The following TIAM1 variants were observed in gnomAD, a reference collection of about 807,000 sequenced individuals.
The protein encoded by TIAM1 is rho guanine nucleotide exchange factor TIAM1.
Under a neutral mutation model 163.5 loss-of-function variants are expected in TIAM1, and 65 were observed. The observed-to-expected ratio is 0.40, with a 90% CI of 0.33 to 0.49. TIAM1 has a LOEUF of 0.49. TIAM1 is among the 20% of genes least tolerant of loss of function. The pLI is 0.77. For missense variants in TIAM1, 1,789 were observed against 2,044.7 expected, an observed-to-expected ratio of 0.87 and a Z score of 2.41; for synonymous variants, 833 against 810.1, an observed-to-expected ratio of 1.03 and a Z score of -0.48.
chr21:31,228,703 T>C (rs1469309774), intron 6 of TIAM1, among the ~76,000 whole-genome samples: 3 of 152,226 alleles, frequency 2.0e-5, no homozygotes, highest in Non-Finnish European at 4.4e-5. Context: ...TACTGTAGGA[T>C]TCTATTTATA....
intron 2 of TIAM1, among the ~76,000 whole-genome samples, chr21:31,458,543 C>T (rs2045199931): frequency 6.6e-6 from 1 of 152,176 alleles, no homozygotes; most frequent in African/African-American, 2.4e-5. Context: ...TCTTGGGAAA[C>T]TGTACTTACC....
chr21:31,476,978 T>C (rs1386426575), intron 1 of TIAM1, among the ~76,000 whole-genome samples: 2 of 152,212 alleles, frequency 1.3e-5, no homozygotes, highest in Admixed American at 1.3e-4. Flanking sequence ...AAGTGTCAAC[T>C]AAGTAAACAC....
chr21:31,130,229 T>C lies in TIAM1; in HGVS notation c.4029A>G (p.Arg1343=). Residue 1343 remains arginine, a synonymous_variant, in exon 25 of 28, where the codon CGA becomes CGG. Coordinates refer to ENST00000541036, the MANE Select transcript of TIAM1 (RefSeq NM_001353694.2). ...AGAGTTTACCTGCACTCGCCAAAGCTCGAACCTGCAGCGCTTCCGTGGGGA... is the reference window on the plus strand; with the variant it reads ...AGAGTTTACCTGCACTCGCCAAAGCCCGAACCTGCAGCGCTTCCGTGGGGA... The part of the protein sequence containing the change: ...HMIPTEALQV[R]ALASADAEAN... The C allele has an allele frequency of 1.2e-6, 2 of 1,613,830 alleles. No homozygotes were observed. Among genetic ancestry groups the C allele is most frequent in the Non-Finnish European group, 1.7e-6 (2 of 1,179,910 alleles).
chr21:31,469,880 A>G (rs1215366367), intron 1 of TIAM1, among the ~76,000 whole-genome samples: 2 of 151,960 alleles, frequency 1.3e-5, no homozygotes, highest in African/African-American at 2.4e-5. Context: ...TTTGCCCTCA[A>G]TGGAGAGGGA....
chr21:31,387,511 CCTGT>C (rs1266574602), intron 2 of TIAM1, among the ~76,000 whole-genome samples: 1 of 151,868 alleles, frequency 6.6e-6, no homozygotes, highest in Non-Finnish European at 1.5e-5. Flanking sequence ...CCGAGCCTGG[CCTGT>C]CTTTTTTCAA....
In TIAM1 at chr21:31,546,626, A is replaced by G. The variant is rs187105037; in HGVS notation, c.-422+12301T>C. 4.7e-3 allele frequency among the ~76,000 whole-genome samples: 708 copies of G among 152,046 alleles called. 4 individuals carry two copies. Among genetic ancestry groups the G allele is most frequent in the Non-Finnish European group, 7.2e-3 (487 of 67,956 alleles). On this transcript the variant is annotated intron_variant, in intron 1 of 28. Transcript: ENST00000286827. ...GAGAAAAATGGAGAAGGGTGGGCCC[A>G]TGTAATCAAAGGCTATTAACCATTT... is the stretch of plus-strand genomic sequence containing the variant.
chr21:31,436,144 A>G (rs2044200644), intron 2 of TIAM1, among the ~76,000 whole-genome samples: 1 of 152,134 alleles, frequency 6.6e-6, no homozygotes. Context: ...TCTCATCCCT[A>G]CAGCAACACT....
intron 2 of TIAM1, among the ~76,000 whole-genome samples, chr21:31,420,763 A>C (rs1195815379): frequency 2.0e-5 from 3 of 152,146 alleles, no homozygotes; most frequent in South Asian, 4.1e-4. Flanking sequence ...TCCCCAAAAA[A>C]TTCACATCCA....
intron 2 of TIAM1, among the ~76,000 whole-genome samples, chr21:31,391,845 G>A (rs2076970434): frequency 6.6e-6 from 1 of 152,088 alleles, no homozygotes; most frequent in Non-Finnish European, 1.5e-5. Flanking sequence ...CATATAAAGA[G>A]AGTCCCTGAT....
chr21:31,360,937 T>C (rs900675828), intron 2 of TIAM1, among the ~76,000 whole-genome samples: 1 of 152,188 alleles, frequency 6.6e-6, no homozygotes, highest in African/African-American at 2.4e-5. Context: ...CAAGAGGAAC[T>C]CCCTTATCCT....
chr21:31,428,137 T>A (rs548308), intron 2 of TIAM1, among the ~76,000 whole-genome samples: 1 of 152,036 alleles, frequency 6.6e-6, no homozygotes, highest in Non-Finnish European at 1.5e-5. Flanking sequence ...GGCCTGTAAT[T>A]TCAGCTACTT....
At chr21:31,535,426 T>C (rs1287519370) in intron 1 of TIAM1, among the ~76,000 whole-genome samples, 2 of 149,314 alleles carry the variant, frequency 1.3e-5, no homozygotes, top group Non-Finnish European at 3.0e-5. Flanking sequence ...TCCAGAAAGT[T>C]CTTGTTCCAA....
Position 31,542,297 on chromosome 21 carries a change from T to G in TIAM1, c.-422+16630A>C, listed in dbSNP as rs1490990308. On this transcript the variant is annotated intron_variant, in intron 1 of 28. Coordinates refer to the TIAM1 transcript ENST00000286827. ...AAAAAATTAGCCGGGCGTGGTGGTGTGTGCCTGTATTCCCAGCTTCTGGGG... is the reference window on the plus strand; with the variant it reads ...AAAAAATTAGCCGGGCGTGGTGGTGGGTGCCTGTATTCCCAGCTTCTGGGG... 2.6e-5 allele frequency among the ~76,000 whole-genome samples: 4 copies of G among 152,052 alleles called. No individual in the cohort carries two copies. In the East Asian group the frequency reaches 5.8e-4, roughly 22 times the overall value.
chr21:31,139,865 TA>T (rs2082768117), intron 22 of TIAM1, among the ~76,000 whole-genome samples: 1 of 152,204 alleles, frequency 6.6e-6, no homozygotes, highest in African/African-American at 2.4e-5. Flanking sequence ...CGATTCTTTG[TA>T]AAGTGTAGGT....
intron 2 of TIAM1, among the ~76,000 whole-genome samples, chr21:31,299,695 G>A (rs1468609017): frequency 6.6e-6 from 1 of 152,148 alleles, no homozygotes; most frequent in Non-Finnish European, 1.5e-5. Context: ...ATTCATGCTT[G>A]GGGAATGGGC....
Position 31,152,610 on chromosome 21 carries a change from G to A in TIAM1, c.3366+26C>T, listed in dbSNP as rs777799591. 2.9e-5 allele frequency: 47 copies of A among 1,612,968 alleles called. 1 individual carries two copies. The highest frequency in any genetic ancestry group is 6.7e-5 in the African/African-American group (5 of 74,850). On this transcript the variant is annotated intron_variant, in intron 19 of 27. Coordinates refer to ENST00000541036, the MANE Select transcript of TIAM1 (RefSeq NM_001353694.2). ...ACTTGAGCCACACTATAGCCCTGAC[G>A]CTGGAGGCAGCTTTGCACTATTTAC...
intron 3 of TIAM1, among the ~76,000 whole-genome samples, chr21:31,274,389 T>C (rs940555278): frequency 1.3e-5 from 2 of 152,208 alleles, no homozygotes; most frequent in South Asian, 2.1e-4. Flanking sequence ...ATAAAGAACA[T>C]AGAAAAATAT....
At chr21:31,473,423 C>T (rs1372102920) in intron 1 of TIAM1, among the ~76,000 whole-genome samples, 1 of 76,388 alleles carries the variant, frequency 1.3e-5, no homozygotes, top group Admixed American at 2.1e-4. Flanking sequence ...GATCAAGACT[C>T]CATCTCAAAA....
intron 5 of TIAM1, among the ~76,000 whole-genome samples, chr21:31,247,814 T>A (rs1021841766): frequency 2.6e-5 from 4 of 152,168 alleles, no homozygotes; most frequent in African/African-American, 4.8e-5. Context: ...TCTCAAGGCT[T>A]TTCAGGAACA....
Sources: allele counts gnomAD v4.1 joint callset (sites outside exome capture counted in the v4.1 genomes callset), GRCh38; gene constraint gnomAD v4.1.1; transcripts MANE v1.5; gene names NCBI Gene and HGNC (gene_info 2026-07-23, HGNC 2026-07-21).